CYP7B1: variants seen among roughly 807,000 people sequenced by gnomAD.
CYP7B1 encodes cytochrome P450 family 7 subfamily B member 1.
In CYP7B1, 29 loss-of-function variants were observed where a neutral mutation model predicts 42.7. The ratio of observed to expected loss-of-function variants is 0.68; its 90% CI spans 0.51 to 0.93. The LOEUF is 0.93. Among genes scored for constraint, CYP7B1 ranks in the 40% least tolerant of loss-of-function variants. The probability of loss-of-function intolerance (pLI) is 0.00; values close to 1 mark genes in which losing one functional copy is unlikely to be tolerated. For synonymous variants in CYP7B1, 235 were observed against 218.2 expected (o/e 1.08, Z -0.68); for missense variants, 655 against 600.5 (o/e 1.09, Z -0.95).
At chr8:64,731,581 A>G (rs1344302979) in intron 1 of CYP7B1, among the ~76,000 whole-genome samples, 3 of 152,332 alleles carry the variant, frequency 2.0e-5, no homozygotes, top group Non-Finnish European at 2.9e-5. Flanking sequence ...CTCATTTCTT[A>G]GGGAGAAATT....
At chr8:64,648,321 C>T (rs756744261) in intron 1 of CYP7B1, among the ~76,000 whole-genome samples, 1 of 152,148 alleles carries the variant, frequency 6.6e-6, no homozygotes, top group East Asian at 1.9e-4. Flanking sequence ...TGCATCTACC[C>T]CTTTTCCCTG....
chr8:64,604,653 T>C lies in CYP7B1; in HGVS notation c.1233+29A>G, dbSNP rs779023127. 11 of 1,612,964 alleles carry C rather than the reference T, an allele frequency of 6.8e-6. No homozygotes were observed. The African/African-American group carries it at 8.0e-5, about 12-fold the overall frequency. ...GAATGTGCCCACAGGATCTAAGAAGTAGCAATCATAGGCTTGATGTTTACT... is the reference window on the plus strand; with the variant it reads ...GAATGTGCCCACAGGATCTAAGAAGCAGCAATCATAGGCTTGATGTTTACT... On this transcript the variant is annotated intron_variant, in intron 5 of 5. Coordinates refer to ENST00000310193, the MANE Select transcript of CYP7B1 (RefSeq NM_004820.5).
intron 1 of CYP7B1, among the ~76,000 whole-genome samples, chr8:64,776,786 T>G (rs1804332805): frequency 6.6e-6 from 1 of 152,046 alleles, no homozygotes; most frequent in African/African-American, 2.4e-5. Flanking sequence ...AAGACTTTAA[T>G]TCCAGAGATA....
intron 1 of CYP7B1, among the ~76,000 whole-genome samples, chr8:64,777,691 A>G (rs2129662962): frequency 6.6e-6 from 1 of 152,196 alleles, no homozygotes; most frequent in East Asian, 1.9e-4. Context: ...AGAAAACTAT[A>G]TAATGGCCAT....
At chr8:64,678,071 C>A (rs1055927522) in intron 1 of CYP7B1, among the ~76,000 whole-genome samples, 2 of 152,122 alleles carry the variant, frequency 1.3e-5, no homozygotes, top group Non-Finnish European at 2.9e-5. Context: ...TCTGCCTAAA[C>A]GGGCTGTCCT....
At chr8:64,657,182 T>C (rs538796554) in intron 1 of CYP7B1, among the ~76,000 whole-genome samples, 4 of 152,294 alleles carry the variant, frequency 2.6e-5, no homozygotes, top group African/African-American at 7.2e-5. Context: ...CTGAATAATT[T>C]ATGGTTAAAC....
intron 1 of CYP7B1, among the ~76,000 whole-genome samples, chr8:64,717,934 A>C (rs1050866900): frequency 4.6e-5 from 7 of 151,804 alleles, no homozygotes; most frequent in Non-Finnish European, 1.0e-4. Context: ...TAAGACTATT[A>C]TATCTAGCAA....
At chr8:64,597,056 C>T in intron 5 of CYP7B1, 127 bp from the exon 6 acceptor site, 3 of 771,102 alleles carry the variant, frequency 3.9e-6, no homozygotes, top group Non-Finnish European at 5.9e-6. Flanking sequence ...ACCAGAAAAA[C>T]TTGGCTGAGT....
At chr8:64,657,022 T>C (rs1469566869) in intron 1 of CYP7B1, among the ~76,000 whole-genome samples, 1 of 151,962 alleles carries the variant, frequency 6.6e-6, no homozygotes, top group East Asian at 1.9e-4. Context: ...TGCTCATTGC[T>C]AGCAAAAATT....
intron 1 of CYP7B1, among the ~76,000 whole-genome samples, chr8:64,699,230 T>G (rs1806876642): frequency 6.6e-6 from 1 of 152,100 alleles, no homozygotes; most frequent in South Asian, 2.1e-4. Context: ...GATGTCTGAG[T>G]TGATGGAGCC....
At chr8:64,683,013 A>C (rs1019599387) in intron 1 of CYP7B1, among the ~76,000 whole-genome samples, 1 of 152,228 alleles carries the variant, frequency 6.6e-6, no homozygotes, top group African/African-American at 2.4e-5. Context: ...CCCACGTATA[A>C]CATCAGCAAA....
chr8:64,712,274 CT>C lies in CYP7B1; in HGVS notation c.122+86191del, dbSNP rs78409341. Among the ~76,000 whole-genome samples, 801 of 144,048 alleles carry C rather than the reference CT, an allele frequency of 5.6e-3. 3 individuals are homozygous for C. The highest frequency in any genetic ancestry group is 0.015 in the Admixed American group (216 of 14,390). 94.5% of individuals were successfully genotyped at this position (144,048 alleles called of 152,430 possible). A position where few individuals can be genotyped will look rare whatever the true frequency, so the allele number is the denominator to read the frequency against. On this transcript the variant is annotated intron_variant, in intron 1 of 5. Coordinates refer to ENST00000310193, the MANE Select transcript of CYP7B1 (RefSeq NM_004820.5). ...CAAAATTATAGATCCATCAGCAATC[CT>C]TTTTTTTTTTTTTAAAACAAAACAC...
chr8:64,589,934 G>C (rs1034479387), downstream of CYP7B1: 6 of 152,020 alleles, frequency 3.9e-5, no homozygotes, highest in Non-Finnish European at 7.4e-5. Flanking sequence ...CCTTATAAAA[G>C]TAATCAACAG....
At chr8:64,788,597 G>T (rs1804566610) in intron 1 of CYP7B1, among the ~76,000 whole-genome samples, 1 of 152,168 alleles carries the variant, frequency 6.6e-6, no homozygotes, top group African/African-American at 2.4e-5. Context: ...ACCCACAGTT[G>T]CCAGGAGAGG....
At chr8:64,731,120 C>CTCCGGTA (rs1354715427) in intron 1 of CYP7B1, among the ~76,000 whole-genome samples, 8 of 152,146 alleles carry the variant, frequency 5.3e-5, no homozygotes, top group African/African-American at 1.9e-4. Flanking sequence ...ATCACCCAGT[C>CTCCGGTA]TCCGGTATGT....
At chr8:64,637,363 C>T (rs907266141) in intron 1 of CYP7B1, among the ~76,000 whole-genome samples, 13 of 152,264 alleles carry the variant, frequency 8.5e-5, no homozygotes, top group African/African-American at 2.9e-4. Flanking sequence ...AAACTATTAA[C>T]ATAGCAAAAA....
At chr8:64,763,494 GTGA>G (rs1434887240) in intron 1 of CYP7B1, among the ~76,000 whole-genome samples, 2 of 152,214 alleles carry the variant, frequency 1.3e-5, no homozygotes, top group Non-Finnish European at 2.9e-5. Flanking sequence ...CTCTAAAGCA[GTGA>G]GTAATATCCG....
chr8:64,755,223 T>C (rs919549042), intron 1 of CYP7B1, among the ~76,000 whole-genome samples: 1 of 151,992 alleles, frequency 6.6e-6, no homozygotes, highest in African/African-American at 2.4e-5. Context: ...TTTGCAGAGG[T>C]CAGGGGAAAC....
At chr8:64,711,563 A>G (rs1807081795) in intron 1 of CYP7B1, among the ~76,000 whole-genome samples, 1 of 152,208 alleles carries the variant, frequency 6.6e-6, no homozygotes, top group Admixed American at 6.5e-5. Context: ...AGAATTCCCT[A>G]TGTGCATCTA....
Sources: gnomAD v4.1 joint callset for allele counts (sites outside exome capture counted in the v4.1 genomes callset) on GRCh38, gnomAD v4.1.1 for gene constraint, MANE v1.5 for transcripts, NCBI Gene and HGNC (gene_info 2026-07-23, HGNC 2026-07-21) for gene names.